VWA3B: variants seen among roughly 807,000 people sequenced by gnomAD.
VWA3B encodes the protein von Willebrand factor A domain containing 3B, also known as von Willebrand factor A domain-containing protein 3B.
VWA3B carries 138 observed loss-of-function variants against 158.3 expected under a neutral mutation model. The observed-to-expected ratio is 0.87, with a 90% CI of 0.76 to 1.00. The LOEUF (loss-of-function observed/expected upper bound fraction) is 1.00. Among genes scored for constraint, VWA3B ranks in the 50% least tolerant of loss-of-function variants. The pLI is 0.00. For missense variants in VWA3B, 1,555 were observed against 1,565.1 expected, an observed-to-expected ratio of 0.99 and a Z score of 0.11; for synonymous variants, 596 against 587.3, an observed-to-expected ratio of 1.01 and a Z score of -0.21.
chr2:98,245,485 T>C (rs1686333839), intron 19 of VWA3B: 4 of 451,152 alleles, frequency 8.9e-6, no homozygotes, highest in Non-Finnish European at 1.8e-5. Flanking sequence ...TATCTTTCCC[T>C]GGATCTGCAT....
At chr2:98,269,725 T>A (rs1688081669) in intron 21 of VWA3B, among the ~76,000 whole-genome samples, 1 of 152,232 alleles carries the variant, frequency 6.6e-6, no homozygotes, top group African/African-American at 2.4e-5. Flanking sequence ...AACCTCTTCA[T>A]TTGTTTCTGG....
intron 7 of VWA3B, among the ~76,000 whole-genome samples, chr2:98,149,015 A>C (rs576003398): frequency 3.3e-5 from 5 of 152,330 alleles, no homozygotes; most frequent in Admixed American, 2.0e-4. Flanking sequence ...GTGCTGTCTC[A>C]TTCAAGGCAC....
intron 7 of VWA3B, among the ~76,000 whole-genome samples, chr2:98,150,264 C>T (rs1281114157): frequency 3.3e-5 from 5 of 152,136 alleles, no homozygotes; most frequent in African/African-American, 9.7e-5. Flanking sequence ...GGATTTCTCC[C>T]GAAAGTTTTT....
chr2:98,133,837 G>A lies in VWA3B; in HGVS notation c.886G>A (p.Ala296Thr). Reference protein sequence around the residue: ...AKTHSRFHAFAERTECVEFPA... With the variant: ...AKTHSRFHAFTERTECVEFPA... ...TTCACGTTTCAGATTCCACGCATTTGCCGAGAGAACAGAGTGTGTAGAATT... is the reference window on the plus strand; with the variant it reads ...TTCACGTTTCAGATTCCACGCATTTACCGAGAGAACAGAGTGTGTAGAATT... The change falls in exon 7 of 28, where the codon GCC becomes ACC. Residue 296 changes from alanine to threonine, a missense_variant. Ala to Thr is a moderately conservative substitution (Grantham distance 58, BLOSUM62 0). Transcript: ENST00000477737. The A allele has an allele frequency of 6.2e-7, 1 of 1,614,060 alleles. No homozygotes were observed. Among genetic ancestry groups the A allele is most frequent in the Non-Finnish European group, 8.5e-7 (1 of 1,180,022 alleles).
chr2:98,094,260 A>G (rs1309555636), intron 2 of VWA3B, among the ~76,000 whole-genome samples: 1 of 152,184 alleles, frequency 6.6e-6, no homozygotes, highest in East Asian at 1.9e-4. Flanking sequence ...ATTCCCACCA[A>G]CAGTGTGTGT....
chr2:98,258,817 T>C (rs1687310245), intron 21 of VWA3B, among the ~76,000 whole-genome samples: 1 of 151,802 alleles, frequency 6.6e-6, no homozygotes, highest in Admixed American at 6.6e-5. Flanking sequence ...TTGGATGCCT[T>C]TTATTTCTTT....
chr2:98,133,996 G>A (rs1373064504), intron 7 of VWA3B, 57 bp downstream of exon 7: 44 of 1,435,184 alleles, frequency 3.1e-5, no homozygotes, highest in Non-Finnish European at 3.8e-5. Flanking sequence ...CTCAGACGAC[G>A]TGGATCATTA....
At chr2:98,139,119 C>G (rs1676520242) in intron 7 of VWA3B, among the ~76,000 whole-genome samples, 1 of 152,196 alleles carries the variant, frequency 6.6e-6, no homozygotes, top group Non-Finnish European at 1.5e-5. Flanking sequence ...CCCTGCCGGC[C>G]CCAGGCAATG....
chr2:98,249,563 A>G (rs1336041447), intron 19 of VWA3B, among the ~76,000 whole-genome samples: 1 of 152,186 alleles, frequency 6.6e-6, no homozygotes, highest in Non-Finnish European at 1.5e-5. Flanking sequence ...AAAATTGGGG[A>G]AGGAGACCAG....
Position 98,103,971 on chromosome 2 carries a change from T to A in VWA3B, c.196+10683T>A, listed in dbSNP as rs1683252558. 2.0e-5 allele frequency among the ~76,000 whole-genome samples: 3 copies of A among 152,240 alleles called. No homozygotes were observed. In the South Asian group the frequency reaches 6.2e-4, roughly 32 times the overall value. On this transcript the variant is annotated intron_variant, in intron 2 of 27. Transcript: ENST00000477737. ...TAATAATTCTGATATGTCATATTTATTTCAGACATTAGTCATTGTTTTGAT... is the reference window on the plus strand; with the variant it reads ...TAATAATTCTGATATGTCATATTTAATTCAGACATTAGTCATTGTTTTGAT...
At chr2:98,146,407 G>C (rs1228217774) in intron 7 of VWA3B, among the ~76,000 whole-genome samples, 2 of 152,168 alleles carry the variant, frequency 1.3e-5, no homozygotes, top group Non-Finnish European at 1.5e-5. Context: ...ACAACTCAGG[G>C]GCTCTCTGCT....
the VWA3B span, among the ~76,000 whole-genome samples, chr2:98,322,725 A>G: frequency 6.6e-6 from 1 of 152,216 alleles, no homozygotes; most frequent in Non-Finnish European, 1.5e-5. Flanking sequence ...AGAAAAACAG[A>G]TGGAAATTTA....
Position 98,284,166 on chromosome 2 carries a change from G to A in VWA3B, c.3046-6345G>A, listed in dbSNP as rs529377236. On this transcript the variant is annotated intron_variant, in intron 22 of 27. Transcript: ENST00000477737. ...TATAGTTCACCATCCATTTTTGTCC[G>A]TGGCTGCAGAGGCTACAAGCAACGC... is the stretch of plus-strand genomic sequence containing the variant. 3.3e-5 allele frequency among the ~76,000 whole-genome samples: 5 copies of A among 152,282 alleles called. No individual in the cohort carries two copies. The South Asian group carries it at 6.2e-4, about 19-fold the overall frequency.
rs1487827034 is a variant in VWA3B at position 98,266,406 on chromosome 2, T to G, written c.2844-4276T>G. 4.6e-5 allele frequency among the ~76,000 whole-genome samples: 7 copies of G among 151,802 alleles called. No homozygotes were observed. In the East Asian group the frequency reaches 7.7e-4, roughly 17 times the overall value. On this transcript the variant is annotated intron_variant, in intron 21 of 27. Coordinates refer to ENST00000477737, the MANE Select transcript of VWA3B (RefSeq NM_144992.5). ...CTCTGTTCTGTTCCATTGATCTATATCTCTGTTTTGGTACGAGTACCATGC... is the reference window on the plus strand; with the variant it reads ...CTCTGTTCTGTTCCATTGATCTATAGCTCTGTTTTGGTACGAGTACCATGC...
chr2:98,163,846 G>C (rs1406600795), intron 8 of VWA3B, among the ~76,000 whole-genome samples: 1 of 152,224 alleles, frequency 6.6e-6, no homozygotes, highest in Non-Finnish European at 1.5e-5. Flanking sequence ...AAAGCGATCA[G>C]ATACTGAGGG....
intron 12 of VWA3B, chr2:98,207,768 G>C (rs879143288): frequency 6.3e-6 from 2 of 315,680 alleles, no homozygotes; most frequent in East Asian, 1.4e-4. Context: ...CTCATCTGCT[G>C]TACTGTCCCT....
chr2:98,287,849 G>T (rs964055464), intron 22 of VWA3B, among the ~76,000 whole-genome samples: 10 of 152,022 alleles, frequency 6.6e-5, no homozygotes, highest in Non-Finnish European at 1.5e-4. Flanking sequence ...TCTTCCAATT[G>T]GATACATTCT....
At chr2:98,285,507 T>C (rs1175595541) in intron 22 of VWA3B, among the ~76,000 whole-genome samples, 1 of 152,064 alleles carries the variant, frequency 6.6e-6, no homozygotes, top group South Asian at 2.1e-4. Context: ...GTTTAATTTT[T>C]TAAGAAACTG....
chr2:98,115,847 C>A, intron 3 of VWA3B, 101 bp downstream of exon 3: 1 of 949,338 alleles, frequency 1.1e-6, no homozygotes, highest in Non-Finnish European at 1.6e-6. Flanking sequence ...GGCAGGGATG[C>A]AGCTGAGCCA....
Sources: allele counts gnomAD v4.1 joint callset (sites outside exome capture counted in the v4.1 genomes callset), GRCh38; gene constraint gnomAD v4.1.1; transcripts MANE v1.5; gene names NCBI Gene and HGNC (gene_info 2026-07-23, HGNC 2026-07-21).